The following NRG3 variants were observed in gnomAD, a reference collection of about 807,000 sequenced individuals.
NRG3 encodes neuregulin 3.
In NRG3, 31 loss-of-function variants were observed where a neutral mutation model predicts 66.9. That is an observed-to-expected ratio of 0.46 (90% CI 0.35 to 0.63). The LOEUF (loss-of-function observed/expected upper bound fraction) is 0.63, where lower values mean the gene tolerates loss of function less well. NRG3 is among the 20% of genes least tolerant of loss of function. NRG3 has a pLI of 0.00. For synonymous variants in NRG3, 393 were observed against 359.4 expected, an observed-to-expected ratio of 1.09 and a Z score of -1.06; for missense variants, 910 against 878.9, an observed-to-expected ratio of 1.04 and a Z score of -0.45.
chr10:82,512,651 C>A (rs531495768), intron 2 of NRG3, among the ~76,000 whole-genome samples: 1 of 152,162 alleles, frequency 6.6e-6, no homozygotes, highest in African/African-American at 2.4e-5. Flanking sequence ...AGTTTCAGCA[C>A]TTTTATGTCA....
chr10:82,546,942 CAAAG>C (rs760595303), intron 2 of NRG3, among the ~76,000 whole-genome samples: 4 of 151,744 alleles, frequency 2.6e-5, no homozygotes, highest in Non-Finnish European at 2.9e-5. Context: ...GGGGAAAAAA[CAAAG>C]AAGAAAGGGA....
At chr10:81,979,104 G>A (rs542211846) in intron 1 of NRG3, among the ~76,000 whole-genome samples, 25 of 149,764 alleles carry the variant, frequency 1.7e-4, no homozygotes, top group African/African-American at 5.9e-4. Flanking sequence ...CAGGAGAATC[G>A]CTTGAACCTG....
intron 2 of NRG3, among the ~76,000 whole-genome samples, chr10:82,599,629 C>T (rs192421948): frequency 2.4e-3 from 359 of 152,222 alleles, no homozygotes; most frequent in African/African-American, 8.2e-3. Context: ...ACCTAGCCAA[C>T]ATGGTGAAAC....
chr10:82,310,964 C>A (rs951531498), intron 1 of NRG3, among the ~76,000 whole-genome samples: 3 of 152,162 alleles, frequency 2.0e-5, no homozygotes, highest in African/African-American at 7.2e-5. Context: ...AAGATTGAGG[C>A]AAATGAGAGT....
At chr10:82,288,548 T>C (rs2079548894) in intron 1 of NRG3, among the ~76,000 whole-genome samples, 1 of 152,052 alleles carries the variant, frequency 6.6e-6, no homozygotes, top group Non-Finnish European at 1.5e-5. Context: ...GTTCACTCAG[T>C]CAACAAACAT....
intron 2 of NRG3, among the ~76,000 whole-genome samples, chr10:82,644,517 A>C (rs1439439133): frequency 6.6e-6 from 1 of 152,160 alleles, no homozygotes; most frequent in Non-Finnish European, 1.5e-5. Context: ...CAAAATGTTA[A>C]AGATTTTATT....
At chr10:82,922,606 C>G (rs1376894785) in intron 4 of NRG3, among the ~76,000 whole-genome samples, 1 of 152,172 alleles carries the variant, frequency 6.6e-6, no homozygotes, top group African/African-American at 2.4e-5. Context: ...GGACACTCAA[C>G]TTTGCAAATG....
At chr10:82,302,141 A>T in intron 1 of NRG3, among the ~76,000 whole-genome samples, 1 of 149,758 alleles carries the variant, frequency 6.7e-6, no homozygotes, top group African/African-American at 2.5e-5. Context: ...TCTGTTTTTG[A>T]CTCCATTAAA....
At chr10:82,253,348 C>T (rs1411405970) in intron 1 of NRG3, among the ~76,000 whole-genome samples, 1 of 152,164 alleles carries the variant, frequency 6.6e-6, no homozygotes, top group Non-Finnish European at 1.5e-5. Flanking sequence ...ATGAACCTTC[C>T]TATCAACCTT....
intron 2 of NRG3, among the ~76,000 whole-genome samples, chr10:82,467,454 C>T (rs1326064507): frequency 6.6e-6 from 1 of 152,124 alleles, no homozygotes; most frequent in Non-Finnish European, 1.5e-5. Flanking sequence ...GATATGTTTT[C>T]CTTTGATCTG....
At chr10:82,075,965 A>AAC (rs57859448) in intron 1 of NRG3, among the ~76,000 whole-genome samples, 9 of 151,334 alleles carry the variant, frequency 5.9e-5, no homozygotes, top group African/African-American at 1.9e-4. Flanking sequence ...AAAAAAAAAA[A>AAC]CGATCATTTA....
intron 2 of NRG3, among the ~76,000 whole-genome samples, chr10:82,460,359 C>A (rs1235407162): frequency 6.6e-6 from 1 of 152,166 alleles, no homozygotes; most frequent in Non-Finnish European, 1.5e-5. Context: ...CTGATAGCTA[C>A]TTAAAAGTTG....
At chr10:82,579,443 T>C (rs552517255) in intron 2 of NRG3, among the ~76,000 whole-genome samples, 1 of 152,012 alleles carries the variant, frequency 6.6e-6, no homozygotes, top group Non-Finnish European at 1.5e-5. Flanking sequence ...TTCTTTCTAA[T>C]GTTTGGGCAC....
chr10:82,843,066 A>G (rs775789052), intron 3 of NRG3, among the ~76,000 whole-genome samples: 2 of 152,210 alleles, frequency 1.3e-5, no homozygotes, highest in African/African-American at 2.4e-5. Flanking sequence ...TTTGGACCAT[A>G]ATTGACTATA....
At chr10:82,674,218 G>T (rs1045553333) in intron 2 of NRG3, among the ~76,000 whole-genome samples, 17 of 152,122 alleles carry the variant, frequency 1.1e-4, no homozygotes, top group African/African-American at 3.9e-4. Context: ...AGAGACAAGA[G>T]AACTCAATAT....
intron 1 of NRG3, among the ~76,000 whole-genome samples, chr10:81,904,461 G>C (rs1051313558): frequency 3.3e-5 from 5 of 151,884 alleles, no homozygotes; most frequent in African/African-American, 1.2e-4. Flanking sequence ...GTCTCTGCTT[G>C]GACTCCTTCA....
chr10:82,544,457 CCAAT>C (rs2043756433), intron 2 of NRG3, among the ~76,000 whole-genome samples: 2 of 152,150 alleles, frequency 1.3e-5, no homozygotes, highest in South Asian at 2.1e-4. Flanking sequence ...TAACATCCTC[CCAAT>C]CAGACTCTGA....
At chr10:82,889,670 A>T (rs72821829) in intron 4 of NRG3, among the ~76,000 whole-genome samples, 5,092 of 152,308 alleles carry the variant, frequency 0.033, 105 homozygotes, top group Non-Finnish European at 0.047. Context: ...CTGCTTCCAG[A>T]AGAAACAAAG....
chr10:82,294,237 C>G (rs141196810), intron 1 of NRG3, among the ~76,000 whole-genome samples: 1 of 152,130 alleles, frequency 6.6e-6, no homozygotes, highest in Non-Finnish European at 1.5e-5. Context: ...ATCACAAATC[C>G]TCTTCAAAAT....
Sources: gnomAD v4.1 joint callset for allele counts (sites outside exome capture counted in the v4.1 genomes callset) on GRCh38, gnomAD v4.1.1 for gene constraint, MANE v1.5 for transcripts, NCBI Gene and HGNC (gene_info 2026-07-23, HGNC 2026-07-21) for gene names.